Variants in DLEC1 observed in about 807,000 individuals in gnomAD.
DLEC1 encodes deleted in lung and esophageal cancer protein 1.
In DLEC1, 146 loss-of-function variants were observed where a neutral mutation model predicts 198.1. The ratio of observed to expected loss-of-function variants is 0.74; its 90% CI spans 0.64 to 0.85. The LOEUF is 0.85. Ranked by LOEUF, DLEC1 falls within the 40% of genes least tolerant of loss-of-function variation. DLEC1 has a pLI of 0.00. For missense variants in DLEC1, 2,233 were observed against 2,220.0 expected (o/e 1.01, Z -0.12); for synonymous variants, 897 against 866.8 (o/e 1.03, Z -0.61).
chr3:38,073,707 G>C (rs1014368500), intron 6 of DLEC1, among the ~76,000 whole-genome samples: 3 of 152,140 alleles, frequency 2.0e-5, no homozygotes, highest in African/African-American at 7.2e-5. Flanking sequence ...GCACCAGAGT[G>C]GGGGAGTTTT....
At chr3:38,083,414 G>T (rs1188088338) in intron 6 of DLEC1, among the ~76,000 whole-genome samples, 1 of 152,166 alleles carries the variant, frequency 6.6e-6, no homozygotes, top group East Asian at 1.9e-4. Context: ...TTTGAGCCAG[G>T]ATTGGCCAGG....
intron 2 of DLEC1, among the ~76,000 whole-genome samples, chr3:38,059,228 CT>C (rs1696547558): frequency 1.3e-5 from 2 of 152,178 alleles, no homozygotes; most frequent in African/African-American, 4.8e-5. Context: ...TGGATTCCCC[CT>C]GGGGTCTAAG....
chr3:38,098,139 C>T (rs559630143), intron 18 of DLEC1, among the ~76,000 whole-genome samples: 5 of 152,290 alleles, frequency 3.3e-5, no homozygotes, highest in Admixed American at 6.5e-5. Flanking sequence ...TCACTACCAT[C>T]GGATTTAGAA....
chr3:38,063,981 T>C (rs1036148846), intron 6 of DLEC1, 62 bp downstream of exon 6: 62 of 1,183,636 alleles, frequency 5.2e-5, no homozygotes, highest in Non-Finnish European at 6.7e-5. Context: ...AAAAAGTCTT[T>C]ATTATGGAAA....
At chr3:38,040,377 G>A (rs2125564492) in intron 1 of DLEC1, among the ~76,000 whole-genome samples, 2 of 152,208 alleles carry the variant, frequency 1.3e-5, no homozygotes, top group South Asian at 4.2e-4. Context: ...ATTCAGCAGT[G>A]AATAAAAACG....
At chr3:38,091,912 A>G (rs899272039) in intron 10 of DLEC1, among the ~76,000 whole-genome samples, 3 of 152,194 alleles carry the variant, frequency 2.0e-5, no homozygotes, top group Non-Finnish European at 4.4e-5. Context: ...GGGAATGTAA[A>G]TTACTACAGC....
rs1307963495 is a variant in DLEC1 at position 38,050,691 on chromosome 3, T to A, written c.562+4998T>A. On this transcript the variant is annotated intron_variant, in intron 2 of 36. Coordinates refer to ENST00000308059, the MANE Select transcript of DLEC1 (RefSeq NM_007335.4). The stretch of plus-strand genomic sequence containing the variant: ...CCCCACCTCCAACTTTAGGAAAAAA[T>A]TTCAGTATAAGATTTGAGGGAACAA... Among the ~76,000 whole-genome samples, 5 of 152,076 alleles carry A rather than the reference T, an allele frequency of 3.3e-5. No individual in the cohort carries two copies. In the East Asian group the frequency reaches 7.7e-4, roughly 23 times the overall value.
chr3:38,041,427 G>A (rs1365614242), intron 1 of DLEC1, among the ~76,000 whole-genome samples: 1 of 152,172 alleles, frequency 6.6e-6, no homozygotes, highest in Non-Finnish European at 1.5e-5. Flanking sequence ...ACAGGTGTGA[G>A]CCACTGTGCC....
chr3:38,119,429 C>T (rs1373140431), intron 33 of DLEC1, among the ~76,000 whole-genome samples: 1 of 152,202 alleles, frequency 6.6e-6, no homozygotes, highest in Non-Finnish European at 1.5e-5. Context: ...GACCAAGCCA[C>T]CAAGCCCTGC....
Position 38,107,574 on chromosome 3 carries a change from C to G in DLEC1, c.2865-10C>G. The G allele has an allele frequency of 1.9e-6, 3 of 1,590,104 alleles. No homozygotes were observed. Among genetic ancestry groups the G allele is most frequent in the South Asian group, 2.3e-5 (2 of 88,550 alleles). ...CTAATCAGTATGCCTTTTGTTTCCTCGTGTTCCAGCTACCTTCCTGTGTAT... is the reference window on the plus strand; with the variant it reads ...CTAATCAGTATGCCTTTTGTTTCCTGGTGTTCCAGCTACCTTCCTGTGTAT... On this transcript the variant is annotated splice_polypyrimidine_tract_variant and intron_variant, in intron 19 of 36. Transcript: ENST00000308059.
At chr3:38,109,399 C>A (rs1327459779) in intron 21 of DLEC1, 33 bp from the exon 22 acceptor site, 1 of 1,613,428 alleles carries the variant, frequency 6.2e-7, no homozygotes, top group Non-Finnish European at 8.5e-7. Context: ...AGGCCCCAGG[C>A]CTGGTCTGAC....
chr3:38,043,728 C>G (rs760433337), intron 1 of DLEC1, among the ~76,000 whole-genome samples: 28 of 152,096 alleles, frequency 1.8e-4, no homozygotes, highest in Admixed American at 6.5e-4. Context: ...GGTTTTGCTC[C>G]TGTTGCCCAG....
At chr3:38,096,214 G>C (rs1699009582) in intron 14 of DLEC1, among the ~76,000 whole-genome samples, 1 of 152,186 alleles carries the variant, frequency 6.6e-6, no homozygotes, top group Non-Finnish European at 1.5e-5. Context: ...GAGCCAAACT[G>C]GGGGGCCCTC....
intron 1 of DLEC1, among the ~76,000 whole-genome samples, chr3:38,044,609 T>C (rs1203839716): frequency 6.6e-6 from 1 of 152,090 alleles, no homozygotes; most frequent in Non-Finnish European, 1.5e-5. Context: ...AAACAGGGTC[T>C]CACTGTGTTG....
At position 38,122,177 on chromosome 3, in the gene DLEC1, G is replaced by A. The variant is rs201771873; in HGVS notation, c.5127G>A (p.Gln1709=). The part of the protein sequence containing the change: ...ANAPPTSIAL[Q]VFFTARSSEL... ...CACCCCCAACCTCCATCGCCTTGCA[G>A]GTTTTCTTCACTGCCAGGTGCAGCC... The change falls in exon 36 of 37, where the codon CAG becomes CAA. Residue 1709 remains glutamine, a synonymous_variant. Transcript: ENST00000308059. 1.4e-5 allele frequency: 23 copies of A among 1,614,108 alleles called. No individual in the cohort carries two copies. In the African/African-American group the frequency reaches 3.1e-4, roughly 22 times the overall value.
In DLEC1 at chr3:38,094,934, A is replaced by C; in HGVS notation, c.1975A>C (p.Met659Leu). Residue 659 changes from methionine to leucine, a missense_variant, in exon 13 of 37, where the codon ATG (methionine) becomes CTG (leucine). Coordinates refer to ENST00000308059, the MANE Select transcript of DLEC1 (RefSeq NM_007335.4). ...QIMKPNLQPL[M>L]PGETFSMDSI... is the part of the protein sequence containing the mutation. ...CATGAAGCCCAACCTGCAGCCCCTC[A>C]TGCCTGGAGAAACCTTCAGCATGGA... 1 of 1,614,168 alleles carries C rather than the reference A, an allele frequency of 6.2e-7. No homozygotes were observed. The highest frequency in any genetic ancestry group is 2.2e-5 in the East Asian group (1 of 44,878).
At position 38,063,837 on chromosome 3, in the gene DLEC1, A is replaced by T. The variant is rs1408305973; in HGVS notation, c.1095-4A>T. 1.2e-6 allele frequency: 2 copies of T among 1,612,348 alleles called. No individual in the cohort carries two copies. The highest frequency in any genetic ancestry group is 1.7e-5 in the Admixed American group (1 of 59,864). On this transcript the variant is annotated splice_polypyrimidine_tract_variant and splice_region_variant and intron_variant, in intron 5 of 36. Coordinates refer to ENST00000308059, the MANE Select transcript of DLEC1 (RefSeq NM_007335.4). ...CTTTCTCCCCCTCTTTTTTCATCCC[A>T]CAGTTGTGCTGATACTCCAGTGTTT...
chr3:38,113,690 CAAT>C (rs752299851), intron 25 of DLEC1, among the ~76,000 whole-genome samples: 9 of 150,892 alleles, frequency 6.0e-5, no homozygotes, highest in African/African-American at 9.7e-5. Flanking sequence ...GACTCTGTCT[CAAT>C]AATAATAATA....
chr3:38,059,664 A>G, intron 2 of DLEC1, 78 bp from the exon 3 acceptor site: 2 of 1,206,194 alleles, frequency 1.7e-6, no homozygotes, highest in South Asian at 1.4e-5. Context: ...GGCTTGGCGG[A>G]TGAAGAAAGT....
Sources: allele counts gnomAD v4.1 joint callset (sites outside exome capture counted in the v4.1 genomes callset), GRCh38; gene constraint gnomAD v4.1.1; transcripts MANE v1.5; gene names NCBI Gene and HGNC (gene_info 2026-07-23, HGNC 2026-07-21).